The following MYCBP2 variants were observed in gnomAD, a reference collection of about 807,000 sequenced individuals.
The protein encoded by MYCBP2 is E3 ubiquitin-protein ligase MYCBP2.
A neutral mutation model predicts 525.3 loss-of-function variants in MYCBP2; 120 were observed. That is an observed-to-expected ratio of 0.23 (90% confidence interval 0.20 to 0.27). The LOEUF is 0.27. MYCBP2 is among the 10% of genes least tolerant of loss of function. The pLI is 1.00. For synonymous variants in MYCBP2, 1,894 were observed against 1,955.8 expected, an observed-to-expected ratio of 0.97 and a Z score of 0.83; for missense variants, 4,149 against 5,657.1, an observed-to-expected ratio of 0.73 and a Z score of 8.55.
At chr13:77,126,597 C>G (rs2051713670) in intron 52 of MYCBP2, 55 bp from the exon 53 acceptor site, 1 of 1,364,202 alleles carries the variant, frequency 7.3e-7, no homozygotes. Context: ...TTATCACTTT[C>G]AAAGCCTTCC....
chr13:77,230,380 T>A (rs1052876879), intron 18 of MYCBP2, among the ~76,000 whole-genome samples: 6 of 152,132 alleles, frequency 3.9e-5, no homozygotes, highest in African/African-American at 1.4e-4. Context: ...GAAGATAAAC[T>A]GGGTAAGGTG....
In MYCBP2 at chr13:77,081,969, T is replaced by C. The variant is rs1436669788; in HGVS notation, c.11061A>G (p.Gln3687=). ...ALRCWSLKFK[Q]SDHQFLHQSN... is the part of the protein sequence containing the mutation. ...TCTGATGAAGGAACTGGTGATCAGA[T>C]TGCTTGAATTTGAGACTCCAGCACC... is the stretch of plus-strand genomic sequence containing the variant. The change falls in exon 64 of 83, where the codon CAA becomes CAG. Residue 3687 remains glutamine, a synonymous_variant. Transcript: ENST00000544440. This position sits in a 1 kb window ranked among gnomAD's most constrained non-coding sequence, Gnocchi z 4.6. 2 of 1,613,318 alleles carry C rather than the reference T, an allele frequency of 1.2e-6. No homozygotes were observed. The highest frequency in any genetic ancestry group is 2.2e-5 in the East Asian group (1 of 44,818).
At chr13:77,195,024 C>CT (rs68089729) in intron 26 of MYCBP2, among the ~76,000 whole-genome samples, 9,593 of 149,414 alleles carry the variant, frequency 0.064, 508 homozygotes, top group East Asian at 0.17. Context: ...AAAAAATGTC[C>CT]TTTTTTTTTT....
rs1420988686 is a variant in MYCBP2, at chr13:77,081,750, T to C, written c.11193+87A>G. On this transcript the variant is annotated intron_variant, in intron 64 of 82. Transcript: ENST00000544440. The surrounding 1 kb of genome is among the most constrained non-coding windows in gnomAD (Gnocchi z 4.6). ...AGATAAAACATAATGGAAGACAGGATCAAATTGATTATGAATAACTTACAG... is the reference window on the plus strand; with the variant it reads ...AGATAAAACATAATGGAAGACAGGACCAAATTGATTATGAATAACTTACAG... 4 of 1,534,146 alleles carry C rather than the reference T, an allele frequency of 2.6e-6. No homozygotes were observed. The highest frequency in any genetic ancestry group is 2.8e-5 in the African/African-American group (2 of 72,402).
chr13:77,294,129 T>TATAC (rs1450128273), intron 2 of MYCBP2, among the ~76,000 whole-genome samples: 3 of 26,140 alleles, frequency 1.1e-4, no homozygotes, highest in African/African-American at 2.5e-4. Context: ...TATATATATA[T>TATAC]ACATATATAT....
rs2082331008 is a variant in MYCBP2, at chr13:77,326,483, G to A, written c.293C>T (p.Pro98Leu). 1 of 1,576,444 alleles carries A rather than the reference G, an allele frequency of 6.3e-7. No individual in the cohort carries two copies. ...RDQGGGSAGH[P>L]ASRNKKILNK... is the part of the protein sequence containing the mutation. The stretch of plus-strand genomic sequence containing the variant: ...CACCCTGGGGACGCACCTGGAGGCT[G>A]GGTGTCCAGCGCTGCCGCCCCCCTG... Residue 98 changes from proline to leucine, a missense_variant, in exon 1 of 83, where the codon CCA becomes CTA. Around this residue, in one of 21 missense-constraint regions of MYCBP2, gnomAD observed 413 missense variants for 451.2 expected, o/e 0.92. Transcript: ENST00000544440. The surrounding 1 kb of genome is among the most constrained non-coding windows in gnomAD (Gnocchi z 4.2).
At chr13:77,246,151 AC>A (rs1024051151) in intron 15 of MYCBP2, among the ~76,000 whole-genome samples, 8 of 152,074 alleles carry the variant, frequency 5.3e-5, no homozygotes, top group African/African-American at 1.7e-4. Context: ...GCCTTGTTGA[AC>A]CCCAGGTTAT....
chr13:77,103,440 T>C (rs923448375), intron 55 of MYCBP2: 26 of 390,500 alleles, frequency 6.7e-5, no homozygotes, highest in Non-Finnish European at 1.0e-4. Context: ...ATAGTTTATA[T>C]TCTGCTATAT....
At chr13:77,225,680 A>T (rs1375441788) in intron 18 of MYCBP2, 126 bp from the exon 19 acceptor site, 1 of 1,166,976 alleles carries the variant, frequency 8.6e-7, no homozygotes, top group Non-Finnish European at 1.2e-6. Flanking sequence ...AAGAATCTGT[A>T]GCTGTTAGAA....
intron 82 of MYCBP2, among the ~76,000 whole-genome samples, chr13:77,046,316 T>G (rs1420741213): frequency 1.3e-5 from 2 of 152,168 alleles, no homozygotes; most frequent in Non-Finnish European, 2.9e-5. Context: ...GAGTCCCTAT[T>G]TAATAGTAGA....
At chr13:77,310,293 T>C (rs1397292507) in intron 1 of MYCBP2, among the ~76,000 whole-genome samples, 1 of 152,220 alleles carries the variant, frequency 6.6e-6, no homozygotes, top group Non-Finnish European at 1.5e-5. Flanking sequence ...CCAACATTTC[T>C]GTTTTGCACT....
At chr13:77,307,979 A>C (rs999284283) in intron 1 of MYCBP2, among the ~76,000 whole-genome samples, 1 of 152,132 alleles carries the variant, frequency 6.6e-6, no homozygotes, top group Non-Finnish European at 1.5e-5. Context: ...AATGTGAGCT[A>C]TCTGCTCATG....
chr13:77,295,529 C>T (rs965299500), intron 2 of MYCBP2, among the ~76,000 whole-genome samples: 5 of 152,196 alleles, frequency 3.3e-5, no homozygotes, highest in Non-Finnish European at 7.3e-5. Context: ...AGGTTTGCTA[C>T]TTTGAAGTAG....
chr13:77,181,669 C>T (rs2060232079), intron 33 of MYCBP2, 32 bp downstream of exon 33: 2 of 1,573,762 alleles, frequency 1.3e-6, no homozygotes, highest in Non-Finnish European at 1.7e-6. Context: ...GTTTTAGTGC[C>T]TCTGTATAAA....
chr13:77,118,502 T>C (rs1457307721), intron 55 of MYCBP2: 1 of 764,704 alleles, frequency 1.3e-6, no homozygotes, highest in South Asian at 1.3e-5. Context: ...TCACCTGCAG[T>C]GGGTAAAACA....
At chr13:77,146,775 G>C (rs895582671) in intron 47 of MYCBP2, among the ~76,000 whole-genome samples, 6 of 152,112 alleles carry the variant, frequency 3.9e-5, no homozygotes, top group Admixed American at 1.3e-4. Flanking sequence ...AGAACCAAGC[G>C]CAGAGGAGAA....
At position 77,326,601 on chromosome 13, in the gene MYCBP2, C is replaced by A. The variant is rs1369779165; in HGVS notation, c.175G>T (p.Asp59Tyr). The A allele has an allele frequency of 1.3e-6, 2 of 1,584,844 alleles. No homozygotes were observed. The highest frequency in any genetic ancestry group is 1.7e-6 in the Non-Finnish European group (2 of 1,167,664). Residue 59 changes from aspartate to tyrosine, a missense_variant, in exon 1 of 83, where the codon GAC (aspartate) becomes TAC (tyrosine). Physicochemically the swap from Asp to Tyr is radical, Grantham distance 160. Transcript: ENST00000544440. The surrounding 1 kb of genome is among the most constrained non-coding windows in gnomAD (Gnocchi z 4.2). ...AGCAGCTGGTAGTGACCCCGGGAGT[C>A]CGCGGCGGGTAGCCCCAGCCCCAGC... ...AGLGLGLPAA[D>Y]SRGHYQLLLS...
At chr13:77,048,768 G>A (rs1291340797) in intron 82 of MYCBP2, among the ~76,000 whole-genome samples, 2 of 152,142 alleles carry the variant, frequency 1.3e-5, no homozygotes, top group Admixed American at 1.3e-4. Flanking sequence ...CTCCTCCCCC[G>A]CCTCCCTCCT....
intron 10 of MYCBP2, among the ~76,000 whole-genome samples, chr13:77,263,099 T>G (rs2073565080): frequency 6.6e-6 from 1 of 151,930 alleles, no homozygotes; most frequent in South Asian, 2.1e-4. Context: ...GTAAATAATC[T>G]AAGCCCAAGA....
Sources: allele counts gnomAD v4.1 joint callset (sites outside exome capture counted in the v4.1 genomes callset), GRCh38; gene constraint gnomAD v4.1.1; regional missense constraint gnomAD v4.1.1; non-coding constraint Gnocchi (gnomAD v3.1); transcripts MANE v1.5; gene names NCBI Gene and HGNC (gene_info 2026-07-23, HGNC 2026-07-21).